ZNF320: variants seen among roughly 807,000 people sequenced by gnomAD.
The protein encoded by ZNF320 is zinc finger protein 320.
ZNF320 carries 2 observed loss-of-function variants against 6.8 expected under a neutral mutation model. The ratio of observed to expected loss-of-function variants is 0.29; its 90% CI spans 0.12 to 0.93. The LOEUF (loss-of-function observed/expected upper bound fraction) is 0.93, where lower values mean the gene tolerates loss of function less well. Among genes scored for constraint, ZNF320 ranks in the 40% least tolerant of loss-of-function variants. The pLI, the probability that ZNF320 is intolerant of heterozygous loss-of-function variation, is 0.55. For missense variants in ZNF320, 472 were observed against 611.0 expected, an observed-to-expected ratio of 0.77 and a Z score of 2.40; for synonymous variants, 208 against 203.2, an observed-to-expected ratio of 1.02 and a Z score of -0.20.
chr19:52,872,498 A>G (rs576230542), downstream of ZNF320, among the ~76,000 whole-genome samples: 3 of 152,086 alleles, frequency 2.0e-5, no homozygotes, highest in East Asian at 5.8e-4. Flanking sequence ...TTCCCTCAGT[A>G]TTTATTATTT....
downstream of ZNF320, among the ~76,000 whole-genome samples, chr19:52,875,886 T>G (rs191644717): frequency 8.5e-5 from 13 of 152,338 alleles, no homozygotes; most frequent in African/African-American, 2.9e-4. Context: ...AACATGTAAT[T>G]ATTTTCCCAG....
intron 2 of ZNF320, among the ~76,000 whole-genome samples, chr19:52,892,650 C>T (rs1395671454): frequency 1.3e-5 from 2 of 152,160 alleles, no homozygotes; most frequent in South Asian, 2.1e-4. Flanking sequence ...GCTGCTCCTT[C>T]TCCCCAATCT....
upstream of ZNF320, among the ~76,000 whole-genome samples, chr19:52,898,103 A>C (rs1274440392): frequency 6.6e-6 from 1 of 152,234 alleles, no homozygotes; most frequent in African/African-American, 2.4e-5. Flanking sequence ...AAGGGAAGGA[A>C]TGCAAACTAG....
chr19:52,883,568 T>C, intron 5 of ZNF320: 1 of 453,672 alleles, frequency 2.2e-6, no homozygotes, highest in Non-Finnish European at 4.4e-6. Context: ...CCTTCTGAAG[T>C]ATGAGGTGAA....
intron 5 of ZNF320, among the ~76,000 whole-genome samples, chr19:52,887,835 C>T (rs938398394): frequency 5.3e-5 from 8 of 152,132 alleles, no homozygotes; most frequent in African/African-American, 1.7e-4. Context: ...GATCCACACA[C>T]CTCAGTCTCC....
chr19:52,896,966 G>C (rs955750446), intron 1 of ZNF320, among the ~76,000 whole-genome samples: 16 of 152,216 alleles, frequency 1.1e-4, no homozygotes, highest in African/African-American at 3.1e-4. Flanking sequence ...ATCTGCTCCG[G>C]CCTCGGGCCA....
At chr19:52,894,750 TA>T (rs1195913960) in intron 1 of ZNF320, 1 of 152,104 alleles carries the variant, frequency 6.6e-6, no homozygotes, top group East Asian at 1.9e-4. Flanking sequence ...TGTGTGCCTG[TA>T]ATCCCAGCTA....
exon 6 of ZNF320, among the ~76,000 whole-genome samples, chr19:52,861,187 CA>C (rs2063485220): frequency 6.6e-6 from 1 of 152,054 alleles, no homozygotes; most frequent in Non-Finnish European, 1.5e-5. Flanking sequence ...ACAATATCAG[CA>C]GCAAAAATTA....
At chr19:52,896,950 G>A (rs2064492795) in intron 1 of ZNF320, among the ~76,000 whole-genome samples, 1 of 152,204 alleles carries the variant, frequency 6.6e-6, no homozygotes, top group South Asian at 2.1e-4. Context: ...TCTGCATAGG[G>A]CACCCATCTG....
rs369546350 is a variant in ZNF320 at position 52,880,719 on chromosome 19, G to T, written c.1407C>A (p.Tyr469Ter). 5.0e-6 allele frequency: 8 copies of T among 1,613,802 alleles called. No individual in the cohort carries two copies. In the African/African-American group the frequency reaches 1.1e-4, roughly 22 times the overall value. ...HQRIHTGQKSYKCHQCGKVFS... is the reference protein window; with the variant it reads ...HQRIHTGQKS ...AGACCTTGCCACACTGATGACATTT[G>T]TAAGATTTCTGTCCAGTATGGATTC... Residue 469 changes from tyrosine (Y) to a stop codon, truncating the protein, a stop_gained, in exon 6 of 6, where the codon TAC becomes TAA. Coordinates refer to ENST00000682928, the MANE Select transcript of ZNF320 (RefSeq NM_001351774.2). LOFTEE classifies it low-confidence loss of function (END_TRUNC).
In ZNF320 at chr19:52,890,310, G is replaced by C. The variant is rs1386354513; in HGVS notation, c.-55C>G. 1.6e-5 allele frequency: 25 copies of C among 1,589,494 alleles called. No individual in the cohort carries two copies. The highest frequency in any genetic ancestry group is 5.3e-5 in the Admixed American group (3 of 56,976). On this transcript the variant is annotated 5_prime_UTR_variant, in exon 4 of 6. Transcript: ENST00000682928. ...TCTGGGTTTCTTCCTCAGGTACCAA[G>C]AGTCTTTAGAAGTCAATCCTAAATG...
chr19:52,881,378 A>G lies in ZNF320; in HGVS notation c.748T>C (p.Cys250Arg). 6.2e-7 allele frequency: 1 copy of G among 1,613,870 alleles called. No homozygotes were observed. The highest frequency in any genetic ancestry group is 8.5e-7 in the Non-Finnish European group (1 of 1,179,896). Residue 250 changes from cysteine to arginine, a missense_variant, in exon 6 of 6, where the codon TGT (cysteine) becomes CGT (arginine). Around this residue, in one of 2 missense-constraint regions of ZNF320, gnomAD observed 462 missense variants for 559.7 expected, o/e 0.83. Coordinates refer to ENST00000682928, the MANE Select transcript of ZNF320 (RefSeq NM_001351774.2). ...GATGTCTGACTAAAGGTCTTGCCACACTCATTACACTTATAAGGTTTCTCT... is the reference window on the plus strand; with the variant it reads ...GATGTCTGACTAAAGGTCTTGCCACGCTCATTACACTTATAAGGTTTCTCT... ...TGEKPYKCNE[C>R]GKTFSQTSHL... is the part of the protein sequence containing the mutation.
At chr19:52,876,124 G>C (rs780070420), downstream of ZNF320, 1 of 152,130 alleles carries the variant, frequency 6.6e-6, no homozygotes, top group Non-Finnish European at 1.5e-5. Flanking sequence ...TTATTTAGCA[G>C]CTCACAGCTC....
chr19:52,883,140 C>T (rs1470715210), intron 5 of ZNF320, among the ~76,000 whole-genome samples: 1 of 152,006 alleles, frequency 6.6e-6, no homozygotes, highest in Non-Finnish European at 1.5e-5. Flanking sequence ...CTCCTGGGTT[C>T]AAGCGAGTCT....
chr19:52,890,150 A>G, intron 4 of ZNF320, 91 bp downstream of exon 4: 3 of 1,551,164 alleles, frequency 1.9e-6, no homozygotes, highest in Non-Finnish European at 2.6e-6. Context: ...GTCAGGCAGG[A>G]TGCTTCAGAC....
rs1221072678 is a variant in ZNF320 at position 52,881,938 on chromosome 19, T to C, written c.188A>G (p.Gln63Arg). ...CMMNTLSSTG[Q>R]GNTEVIHTGT... ...TGTGTGGATCACTTCTGTATTGCCT[T>C]GCCCTGTTGATGACAATGTATTCAT... The change falls in exon 6 of 6, where the codon CAA becomes CGA. Residue 63 changes from glutamine (Q) to arginine (R), a missense_variant. Physicochemically the swap from Gln to Arg is conservative, Grantham distance 43. Transcript: ENST00000682928. 1 of 1,608,854 alleles carries C rather than the reference T, an allele frequency of 6.2e-7. No homozygotes were observed. The highest frequency in any genetic ancestry group is 8.5e-7 in the Non-Finnish European group (1 of 1,178,208).
downstream of ZNF320, among the ~76,000 whole-genome samples, chr19:52,860,151 A>G (rs1195648708): frequency 1.3e-5 from 2 of 152,044 alleles, no homozygotes; most frequent in Non-Finnish European, 2.9e-5. Flanking sequence ...TGACCTTGTG[A>G]TGCTCCCGCC....
At chr19:52,868,907 A>G (rs924501469) in intron 5 of ZNF320, among the ~76,000 whole-genome samples, 4 of 152,050 alleles carry the variant, frequency 2.6e-5, no homozygotes, top group African/African-American at 9.7e-5. Context: ...TGGATGAATA[A>G]GGTCTTGACT....
intron 3 of ZNF320, 37 bp from the exon 4 acceptor site, chr19:52,890,365 CAACACACCCCCTCCCCAT>C: frequency 7.0e-7 from 1 of 1,423,200 alleles, no homozygotes; most frequent in Non-Finnish European, 9.6e-7. Context: ...CACTGAGAAT[CAACACACCCCCTCCCCAT>C]AACACAATGA....
Sources: gnomAD v4.1 joint callset for allele counts (sites outside exome capture counted in the v4.1 genomes callset) on GRCh38, gnomAD v4.1.1 for gene constraint, gnomAD v4.1.1 regional missense constraint, MANE v1.5 for transcripts, NCBI Gene and HGNC (gene_info 2026-07-23, HGNC 2026-07-21) for gene names.